The following RAB22A variants were observed in gnomAD, a reference collection of about 807,000 sequenced individuals.
RAB22A encodes ras-related protein Rab-22A.
RAB22A carries 13 observed loss-of-function variants against 30.2 expected under a neutral mutation model. That is an observed-to-expected ratio of 0.43 (90% CI 0.28 to 0.68). The LOEUF (loss-of-function observed/expected upper bound fraction) is 0.68. Among genes scored for constraint, RAB22A ranks in the 30% least tolerant of loss-of-function variants. The probability of loss-of-function intolerance (pLI) is 0.18; values close to 1 mark genes in which losing one functional copy is unlikely to be tolerated. For synonymous variants in RAB22A, 89 were observed against 87.2 expected, an observed-to-expected ratio of 1.02 and a Z score of -0.11; for missense variants, 177 against 246.8, an observed-to-expected ratio of 0.72 and a Z score of 1.89.
chr20:58,365,221 C>T lies in RAB22A; in HGVS notation c.*5518C>T, dbSNP rs1434664185. 3.3e-5 allele frequency: 5 copies of T among 152,114 alleles called. No homozygotes were observed. In the East Asian group the frequency reaches 7.7e-4, roughly 23 times the overall value. The allele number at this position is 152,114 out of a possible 1,614,324, so 9.4% of individuals were successfully genotyped here. ...AAATCATCCTTAAAATAGCATTTCA[C>T]ACATAGGGCCAAAATTGAAATTGTC... On this transcript the variant is annotated 3_prime_UTR_variant, in exon 7 of 7. Coordinates refer to ENST00000244040, the MANE Select transcript of RAB22A (RefSeq NM_020673.3).
intron 2 of RAB22A, among the ~76,000 whole-genome samples, chr20:58,341,781 A>G (rs1986857424): frequency 1.3e-5 from 2 of 152,330 alleles, no homozygotes; most frequent in South Asian, 4.1e-4. Flanking sequence ...TTGAGTCCCA[A>G]TCCTGTCATA....
intron 2 of RAB22A, among the ~76,000 whole-genome samples, chr20:58,336,530 G>A (rs1168135327): frequency 2.0e-5 from 3 of 151,798 alleles, no homozygotes; most frequent in Non-Finnish European, 2.9e-5. Flanking sequence ...TTGTCTCTTG[G>A]GAAAAATAAA....
chr20:58,331,243 T>A (rs1348793365), intron 2 of RAB22A, among the ~76,000 whole-genome samples: 1 of 152,208 alleles, frequency 6.6e-6, no homozygotes, highest in African/African-American at 2.4e-5. Flanking sequence ...TTCCTCCAAG[T>A]TTTTGCTATC....
chr20:58,334,070 C>T (rs1209398617), intron 2 of RAB22A, among the ~76,000 whole-genome samples: 1 of 152,036 alleles, frequency 6.6e-6, no homozygotes. Flanking sequence ...GTGGCTCACA[C>T]CTGTAATCGC....
At chr20:58,336,814 A>G (rs1487407787) in intron 2 of RAB22A, among the ~76,000 whole-genome samples, 1 of 152,160 alleles carries the variant, frequency 6.6e-6, no homozygotes, top group African/African-American at 2.4e-5. Context: ...GCCTCACACC[A>G]AGGAGGCACT....
chr20:58,346,437 A>T lies in RAB22A; in HGVS notation c.198+2638A>T, dbSNP rs574659915. Among the ~76,000 whole-genome samples the T allele has an allele frequency of 2.0e-5, 3 of 152,258 alleles. No homozygotes were observed. In the East Asian group the frequency reaches 5.8e-4, roughly 29 times the overall value. Reference sequence around the variant, plus strand: ...AGGGCCTCCAGCACTCCTTGGCCTCATGCCTCTGGATACGCTGTTCCTTCT... The same window carrying T: ...AGGGCCTCCAGCACTCCTTGGCCTCTTGCCTCTGGATACGCTGTTCCTTCT... On this transcript the variant is annotated intron_variant, in intron 3 of 6. Coordinates refer to ENST00000244040, the MANE Select transcript of RAB22A (RefSeq NM_020673.3).
intron 2 of RAB22A, among the ~76,000 whole-genome samples, chr20:58,314,408 T>C (rs1986295209): frequency 6.6e-6 from 1 of 152,020 alleles, no homozygotes; most frequent in African/African-American, 2.4e-5. Flanking sequence ...GAAGGAGAAA[T>C]ATGCAGTACT....
chr20:58,343,350 A>G (rs765693194), intron 2 of RAB22A, among the ~76,000 whole-genome samples: 2 of 152,230 alleles, frequency 1.3e-5, no homozygotes, highest in East Asian at 3.9e-4. Flanking sequence ...TTTTTTAACT[A>G]GTGTATACAT....
chr20:58,349,786 G>GA (rs1987014519), intron 3 of RAB22A, among the ~76,000 whole-genome samples: 1 of 152,120 alleles, frequency 6.6e-6, no homozygotes, highest in East Asian at 1.9e-4. Flanking sequence ...CTTCAGAGAA[G>GA]AAAAAAACCA....
intron 1 of RAB22A, 32 bp downstream of exon 1, chr20:58,310,044 A>C: frequency 1.6e-6 from 2 of 1,263,304 alleles, no homozygotes; most frequent in South Asian, 3.5e-5. Flanking sequence ...CGGGAGGGCC[A>C]CGGGAGGCTG....
At position 58,354,222 on chromosome 20, in the gene RAB22A, C is replaced by A. The variant is rs138266092; in HGVS notation, c.444C>A (p.Ser148Arg). Reference sequence around the variant, plus strand: ...TTCATGCAATTTTTGTAGAGACCAGCGCAAAAAACGCGATAAACATAAATG... The same window carrying A: ...TTCATGCAATTTTTGTAGAGACCAGAGCAAAAAACGCGATAAACATAAATG... Reference protein sequence around the residue: ...DSIHAIFVETSAKNAININEL... With the variant: ...DSIHAIFVETRAKNAININEL... Residue 148 changes from serine (S) to arginine (R), a missense_variant, in exon 6 of 7, where the codon AGC (serine) becomes AGA (arginine). Transcript: ENST00000244040. The A allele has an allele frequency of 6.2e-7, 1 of 1,613,308 alleles. No individual in the cohort carries two copies. The highest frequency in any genetic ancestry group is 8.5e-7 in the Non-Finnish European group (1 of 1,179,552).
At chr20:58,335,905 T>C (rs1297378627) in intron 2 of RAB22A, among the ~76,000 whole-genome samples, 1 of 152,218 alleles carries the variant, frequency 6.6e-6, no homozygotes, top group African/African-American at 2.4e-5. Context: ...ATGTTAGTCT[T>C]AAGTTGTCCC....
In RAB22A at chr20:58,359,224, C is replaced by CT. The variant is rs560332827; in HGVS notation, c.488-375dup. Among the ~76,000 whole-genome samples the CT allele has an allele frequency of 1.4e-3, 219 of 152,180 alleles. 1 individual carries two copies. Among genetic ancestry groups the CT allele is most frequent in the African/African-American group, 4.7e-3 (196 of 41,496 alleles). On this transcript the variant is annotated intron_variant, in intron 6 of 6. Transcript: ENST00000244040. The stretch of plus-strand genomic sequence containing the variant: ...AAAACAAAATGTTTTTGATGTGTGG[C>CT]TTTTTTTAATTAAAAAACGTTTACT...
intron 2 of RAB22A, among the ~76,000 whole-genome samples, chr20:58,332,603 A>G (rs1986681267): frequency 1.3e-5 from 2 of 152,222 alleles, no homozygotes; most frequent in Non-Finnish European, 2.9e-5. Context: ...ATATTTTTAA[A>G]AGACATCCAA....
At chr20:58,318,792 A>G (rs1028319135) in intron 2 of RAB22A, among the ~76,000 whole-genome samples, 16 of 152,304 alleles carry the variant, frequency 1.1e-4, no homozygotes, top group Non-Finnish European at 2.2e-4. Context: ...TCAATGTGCC[A>G]TAGTGTTCAG....
chr20:58,318,550 C>G (rs1986388873), intron 2 of RAB22A, among the ~76,000 whole-genome samples: 3 of 151,722 alleles, frequency 2.0e-5, no homozygotes, highest in Non-Finnish European at 4.4e-5. Flanking sequence ...ATCAGAAACC[C>G]TTCTTTTTTT....
At chr20:58,334,091 G>A (rs1331982405) in intron 2 of RAB22A, among the ~76,000 whole-genome samples, 5 of 152,044 alleles carry the variant, frequency 3.3e-5, no homozygotes, top group African/African-American at 1.2e-4. Context: ...AGCACTTTGG[G>A]AGGCCGAGGC....
chr20:58,320,674 T>C (rs60761970), intron 2 of RAB22A, among the ~76,000 whole-genome samples: 17,229 of 152,272 alleles, frequency 0.11, 1,403 homozygotes, highest in African/African-American at 0.23. Flanking sequence ...GTGACTTCTT[T>C]GAGCATTGGT....
intron 2 of RAB22A, among the ~76,000 whole-genome samples, chr20:58,332,130 A>G (rs1338964506): frequency 6.6e-6 from 1 of 152,250 alleles, no homozygotes; most frequent in Non-Finnish European, 1.5e-5. Flanking sequence ...AAAAGTCACA[A>G]GAGACCATCA....
Sources: allele counts gnomAD v4.1 joint callset (sites outside exome capture counted in the v4.1 genomes callset), GRCh38; gene constraint gnomAD v4.1.1; transcripts MANE v1.5; gene names NCBI Gene and HGNC (gene_info 2026-07-23, HGNC 2026-07-21).